THADA: variants seen among roughly 807,000 people sequenced by gnomAD.
THADA encodes the protein THADA armadillo repeat containing.
THADA carries 213 observed loss-of-function variants against 219.8 expected under a neutral mutation model. The observed-to-expected ratio is 0.97, with a 90% CI of 0.87 to 1.09. The LOEUF (loss-of-function observed/expected upper bound fraction) is 1.09, where lower values mean the gene tolerates loss of function less well. Ranked by LOEUF, THADA falls within the 50% of genes least tolerant of loss-of-function variation. The probability of loss-of-function intolerance (pLI) is 0.00; values close to 1 mark genes in which losing one functional copy is unlikely to be tolerated. For synonymous variants in THADA, 1,018 were observed against 828.9 expected (o/e 1.23, Z -3.92); for missense variants, 2,956 against 2,311.3 (o/e 1.28, Z -5.72).
chr2:43,272,137 A>G (rs915118621), intron 36 of THADA, among the ~76,000 whole-genome samples: 2 of 152,174 alleles, frequency 1.3e-5, no homozygotes, highest in Non-Finnish European at 2.9e-5. Flanking sequence ...AGCAGAGGGA[A>G]CAGCTACTGC....
intron 15 of THADA, chr2:43,562,291 C>T (rs1343493181): frequency 6.6e-6 from 1 of 152,188 alleles, no homozygotes; most frequent in Non-Finnish European, 1.5e-5. Context: ...GTCGCCCAGG[C>T]TGGAGTACAA....
At chr2:43,406,975 C>A (rs1675619385) in intron 28 of THADA, among the ~76,000 whole-genome samples, 1 of 152,176 alleles carries the variant, frequency 6.6e-6, no homozygotes, top group African/African-American at 2.4e-5. Flanking sequence ...CACAAACAAC[C>A]AAGAAATGAG....
intron 29 of THADA, among the ~76,000 whole-genome samples, chr2:43,384,319 G>A (rs1275485978): frequency 1.3e-5 from 2 of 152,156 alleles, no homozygotes; most frequent in African/African-American, 4.8e-5. Context: ...TTGGGGAGGG[G>A]CGAGGGGTGT....
rs1436335615 is a variant in THADA at position 43,595,918 on chromosome 2, C to G, written c.-25+13G>C. The G allele has an allele frequency of 6.6e-6, 1 of 152,324 alleles. No homozygotes were observed. Among genetic ancestry groups the G allele is most frequent in the African/African-American group, 2.4e-5 (1 of 41,450 alleles). The allele number at this position is 152,324 out of a possible 1,614,324, so 9.4% of individuals were successfully genotyped here. A position where few individuals can be genotyped will look rare whatever the true frequency, so the allele number is the denominator to read the frequency against. ...ACCGCGGGTCTGGCAGGCAGGACAC[C>G]TGGGAGCCAAACCTCGTGCACGTCG... On this transcript the variant is annotated intron_variant, in intron 1 of 37. Transcript: ENST00000405975.
Position 43,420,328 on chromosome 2 carries a change from C to A in THADA, c.4058+7772G>T, listed in dbSNP as rs570949593. On this transcript the variant is annotated intron_variant, in intron 28 of 37. Transcript: ENST00000405975. ...TACCTTATTAGCTAGACGGTAAGTT[C>A]TTTAAGCATAAAGACATTTTTCTTT... is the stretch of plus-strand genomic sequence containing the variant. Among the ~76,000 whole-genome samples, 6 of 152,328 alleles carry A rather than the reference C, an allele frequency of 3.9e-5. No individual in the cohort carries two copies. In the South Asian group the frequency reaches 1.0e-3, roughly 26 times the overall value.
At chr2:43,544,963 A>C (rs1695827892) in intron 20 of THADA, among the ~76,000 whole-genome samples, 1 of 151,614 alleles carries the variant, frequency 6.6e-6, no homozygotes, top group Non-Finnish European at 1.5e-5. Context: ...CAGTTTTCAA[A>C]GGGAATGCTT....
chr2:43,592,551 T>G (rs753990910), intron 1 of THADA, 135 bp from the exon 2 acceptor site: 1 of 504,088 alleles, frequency 2.0e-6, no homozygotes, highest in African/African-American at 2.0e-5. Flanking sequence ...CTCTACCCAC[T>G]AGATGCCAGT....
chr2:43,255,657 A>G lies in THADA; in HGVS notation c.5297-22775T>C, dbSNP rs1355229662. On this transcript the variant is annotated intron_variant, in intron 36 of 37. Transcript: ENST00000405975. ...GGGAATGCACAAGCTCCATCCAAGT[A>G]TTGGAGTCGGGGAATGCTGTGGCCT... 3.9e-5 allele frequency among the ~76,000 whole-genome samples: 6 copies of G among 152,280 alleles called. No individual in the cohort carries two copies. The East Asian group carries it at 1.2e-3, about 29-fold the overall frequency.
chr2:43,527,803 A>T (rs1489791725), intron 22 of THADA, 76 bp downstream of exon 22: 1 of 1,023,160 alleles, frequency 9.8e-7, no homozygotes, highest in Non-Finnish European at 1.5e-6. Flanking sequence ...CAAAAGACAC[A>T]ACTAAATTCT....
At chr2:43,267,437 C>G (rs967807070) in intron 36 of THADA, among the ~76,000 whole-genome samples, 1 of 152,144 alleles carries the variant, frequency 6.6e-6, no homozygotes, top group African/African-American at 2.4e-5. Context: ...TGGCAGATTG[C>G]GAGAAGTGAA....
intron 25 of THADA, among the ~76,000 whole-genome samples, chr2:43,494,103 G>C (rs1463168476): frequency 2.6e-5 from 4 of 152,184 alleles, no homozygotes; most frequent in Non-Finnish European, 4.4e-5. Context: ...ATGCGATCTG[G>C]CTTCCCTAGC....
At chr2:43,445,603 C>T (rs1210582122) in intron 26 of THADA, among the ~76,000 whole-genome samples, 1 of 152,240 alleles carries the variant, frequency 6.6e-6, no homozygotes, top group Non-Finnish European at 1.5e-5. Context: ...ACTGACTGAT[C>T]AGGGCTCCAA....
intron 28 of THADA, among the ~76,000 whole-genome samples, chr2:43,413,491 C>T (rs1676555479): frequency 6.6e-6 from 1 of 152,198 alleles, no homozygotes; most frequent in Non-Finnish European, 1.5e-5. Flanking sequence ...TACTTAATGG[C>T]TGCCAGATAC....
At chr2:43,438,446 T>C (rs1680423642) in intron 26 of THADA, among the ~76,000 whole-genome samples, 1 of 151,694 alleles carries the variant, frequency 6.6e-6, no homozygotes, top group East Asian at 1.9e-4. Flanking sequence ...TTCTGAAAAA[T>C]AATTTAGGAT....
intron 3 of THADA, among the ~76,000 whole-genome samples, chr2:43,591,526 A>T (rs956290249): frequency 1.3e-5 from 2 of 152,176 alleles, no homozygotes; most frequent in African/African-American, 4.8e-5. Context: ...CTGTAGCACT[A>T]TTAAAAAACC....
At chr2:43,458,329 G>A (rs1683253419) in intron 26 of THADA, among the ~76,000 whole-genome samples, 9 of 152,176 alleles carry the variant, frequency 5.9e-5, no homozygotes. Flanking sequence ...AAAAAGGGGT[G>A]AAGGTGCCAT....
chr2:43,430,736 T>C (rs2104822107), intron 26 of THADA: 2 of 445,584 alleles, frequency 4.5e-6, no homozygotes, highest in Non-Finnish European at 4.5e-6. Context: ...AATAACTCTT[T>C]GTTTCAGGGG....
At chr2:43,433,531 AAAAC>A (rs1194337313) in intron 26 of THADA, among the ~76,000 whole-genome samples, 9 of 152,198 alleles carry the variant, frequency 5.9e-5, no homozygotes, top group Non-Finnish European at 1.3e-4. Flanking sequence ...TCCATCTCAG[AAAAC>A]AAACAAACAA....
intron 26 of THADA, among the ~76,000 whole-genome samples, chr2:43,434,472 T>C (rs1408115846): frequency 2.6e-5 from 4 of 152,032 alleles, no homozygotes; most frequent in Admixed American, 2.6e-4. Context: ...CCCCAACCTG[T>C]ACCTATAAAA....
Sources: allele counts gnomAD v4.1 joint callset (sites outside exome capture counted in the v4.1 genomes callset), GRCh38; gene constraint gnomAD v4.1.1; transcripts MANE v1.5; gene names NCBI Gene and HGNC (gene_info 2026-07-23, HGNC 2026-07-21).